CC2D2A: variants seen among roughly 807,000 people sequenced by gnomAD.
CC2D2A encodes coiled-coil and C2 domain containing 2A, also known as coiled-coil and C2 domain-containing protein 2A.
Under a neutral mutation model 212.9 loss-of-function variants are expected in CC2D2A, and 155 were observed. That is an observed-to-expected ratio of 0.73 (90% CI 0.64 to 0.83). The LOEUF is 0.83. CC2D2A is among the 40% of genes least tolerant of loss of function. The pLI is 0.00. For missense variants in CC2D2A, 1,856 were observed against 1,956.2 expected (o/e 0.95, Z 0.97); for synonymous variants, 667 against 686.5 (o/e 0.97, Z 0.44).
intron 4 of CC2D2A, among the ~76,000 whole-genome samples, chr4:15,489,102 T>A (rs1003579851): frequency 2.0e-5 from 3 of 152,240 alleles, no homozygotes; most frequent in Admixed American, 6.5e-5. Context: ...TTCCATTCAT[T>A]CATGTTAGTT....
intron 14 of CC2D2A, among the ~76,000 whole-genome samples, chr4:15,536,266 C>T (rs376090631): frequency 8.3e-5 from 10 of 121,010 alleles, no homozygotes; most frequent in East Asian, 2.8e-4. Context: ...AATGAGAACA[C>T]GTGGACACAG....
intron 4 of CC2D2A, among the ~76,000 whole-genome samples, chr4:15,483,638 GAAATCT>G (rs1305441323): frequency 6.6e-6 from 1 of 152,112 alleles, no homozygotes; most frequent in East Asian, 1.9e-4. Flanking sequence ...TTTCTACTCA[GAAATCT>G]ATTATATTAC....
At chr4:15,568,133 A>G (rs939055154) in intron 26 of CC2D2A, among the ~76,000 whole-genome samples, 7 of 152,112 alleles carry the variant, frequency 4.6e-5, no homozygotes, top group South Asian at 2.1e-4. Context: ...TAAATCTGAA[A>G]CTCCTTAGTT....
chr4:15,572,411 A>C (rs1720211347), intron 28 of CC2D2A, among the ~76,000 whole-genome samples: 2 of 152,166 alleles, frequency 1.3e-5, no homozygotes, highest in Non-Finnish European at 2.9e-5. Context: ...GTTTCAGTAC[A>C]TTTTGGAGAA....
At chr4:15,570,617 G>C in intron 28 of CC2D2A, 121 bp downstream of exon 28, 1 of 584,072 alleles carries the variant, frequency 1.7e-6, no homozygotes, top group South Asian at 2.0e-5. Context: ...CACTTTGGGA[G>C]GCCAAGGAGG....
At chr4:15,535,879 G>C (rs1317295874) in intron 14 of CC2D2A, among the ~76,000 whole-genome samples, 1 of 152,222 alleles carries the variant, frequency 6.6e-6, no homozygotes, top group Non-Finnish European at 1.5e-5. Flanking sequence ...TCTCCAAAGT[G>C]CTGGGTGGGA....
intron 3 of CC2D2A, among the ~76,000 whole-genome samples, chr4:15,479,743 C>T (rs1471435088): frequency 3.3e-5 from 5 of 152,084 alleles, no homozygotes; most frequent in East Asian, 3.9e-4. Context: ...AGTCTGCAGC[C>T]GTGCAGCCCA....
intron 4 of CC2D2A, among the ~76,000 whole-genome samples, chr4:15,487,107 A>T (rs1201553224): frequency 1.3e-5 from 2 of 152,104 alleles, no homozygotes; most frequent in African/African-American, 4.8e-5. Flanking sequence ...GAAGAGAAAA[A>T]TGTGTATTCT....
intron 33 of CC2D2A, among the ~76,000 whole-genome samples, chr4:15,591,556 T>G (rs1721108988): frequency 6.6e-6 from 1 of 152,196 alleles, no homozygotes; most frequent in Non-Finnish European, 1.5e-5. Flanking sequence ...CTGCTAAAAT[T>G]AGAGATAATA....
intron 31 of CC2D2A, 27 bp from the exon 32 acceptor site, chr4:15,587,789 A>G (rs754092123): frequency 2.6e-5 from 32 of 1,248,480 alleles, no homozygotes; most frequent in Non-Finnish European, 3.4e-5. Context: ...TGAGTCATAC[A>G]ACATAATTTT....
At chr4:15,514,047 T>G (rs1338192445) in intron 8 of CC2D2A, among the ~76,000 whole-genome samples, 1 of 152,218 alleles carries the variant, frequency 6.6e-6, no homozygotes, top group East Asian at 1.9e-4. Flanking sequence ...AGAAGACGTT[T>G]AGAAAATATC....
rs574421326 is a variant in CC2D2A, at chr4:15,551,085, A to G, written c.2338+105A>G. 3.8e-6 allele frequency: 4 copies of G among 1,050,440 alleles called. No individual in the cohort carries two copies. In the African/African-American group the frequency reaches 6.4e-5, roughly 17 times the overall value. The allele number at this position is 1,050,440 out of a possible 1,614,324, so 65.1% of individuals were successfully genotyped here. On this transcript the variant is annotated intron_variant, in intron 18 of 36. Coordinates refer to ENST00000424120, the MANE Select transcript of CC2D2A (RefSeq NM_001378615.1). ...ACAACCATAGAATTATAAAATTGATATCAAAAATTCAAATTCAAACAATGA... is the reference window on the plus strand; with the variant it reads ...ACAACCATAGAATTATAAAATTGATGTCAAAAATTCAAATTCAAACAATGA...
At chr4:15,486,447 A>T (rs1426902907) in intron 4 of CC2D2A, among the ~76,000 whole-genome samples, 1 of 152,038 alleles carries the variant, frequency 6.6e-6, no homozygotes, top group African/African-American at 2.4e-5. Flanking sequence ...ATGTATTGGC[A>T]TATAGTTGCT....
chr4:15,512,708 T>C (rs984199840), intron 8 of CC2D2A, among the ~76,000 whole-genome samples: 1 of 152,096 alleles, frequency 6.6e-6, no homozygotes, highest in African/African-American at 2.4e-5. Flanking sequence ...AATCCCAGCT[T>C]TGGGAGGCCG....
At chr4:15,538,663 A>T (rs2007633) in intron 16 of CC2D2A, among the ~76,000 whole-genome samples, 141,963 of 152,256 alleles carry the variant, frequency 0.93, 66,251 homozygotes, top group East Asian at 0.95. Context: ...CCCTCCAGAT[A>T]TGATAAAAAT....
Position 15,557,330 on chromosome 4 carries a change from C to G in CC2D2A, c.2652C>G (p.Val884=), listed in dbSNP as rs944541785. 2 of 1,612,948 alleles carry G rather than the reference C, an allele frequency of 1.2e-6. No homozygotes were observed. The highest frequency in any genetic ancestry group is 2.7e-5 in the African/African-American group (2 of 74,840). The change falls in exon 21 of 37, where the codon GTC becomes GTG. Residue 884 remains valine (V), a synonymous_variant. Transcript: ENST00000424120. Reference sequence around the variant, plus strand: ...TTGCTACCAGTGGTGAATCCTATGTCCCTGATTTCTTTAGACTGGAGCAGC... The same window carrying G: ...TTGCTACCAGTGGTGAATCCTATGTGCCTGATTTCTTTAGACTGGAGCAGC... ...ISVATSGESY[V]PDFFRLEQLQ...
chr4:15,481,372 G>A lies in CC2D2A; in HGVS notation c.247+545G>A, dbSNP rs1039924750. ...AAAAATACAAAAAAATTAGCCAGGC[G>A]TGGTGGCGCATGCCTGTAATCCCAG... On this transcript the variant is annotated intron_variant, in intron 4 of 36. Transcript: ENST00000424120. 25 of 362,008 alleles carry A rather than the reference G, an allele frequency of 6.9e-5. 1 individual carries two copies. The highest frequency in any genetic ancestry group is 5.9e-4 in the East Asian group (8 of 13,452). The allele number at this position is 362,008 out of a possible 1,614,324, so 22.4% of individuals were successfully genotyped here. A position where few individuals can be genotyped will look rare whatever the true frequency, so the allele number is the denominator to read the frequency against.
At chr4:15,601,216 A>C (rs1341194492) in intron 36 of CC2D2A, 21 bp from the exon 37 acceptor site, 2 of 1,593,542 alleles carry the variant, frequency 1.3e-6, no homozygotes, top group Non-Finnish European at 1.7e-6. Flanking sequence ...ACTAATGACT[A>C]CAAATGTTTT....
At chr4:15,592,784 T>G (rs1721168331) in intron 33 of CC2D2A, among the ~76,000 whole-genome samples, 1 of 152,204 alleles carries the variant, frequency 6.6e-6, no homozygotes, top group South Asian at 2.1e-4. Flanking sequence ...ACCTTTGTCT[T>G]GAATTTTCAG....
Sources: gnomAD v4.1 joint callset for allele counts (sites outside exome capture counted in the v4.1 genomes callset) on GRCh38, gnomAD v4.1.1 for gene constraint, MANE v1.5 for transcripts, NCBI Gene and HGNC (gene_info 2026-07-23, HGNC 2026-07-21) for gene names.